SGPP1: variants seen among roughly 807,000 people sequenced by gnomAD.
SGPP1 encodes the protein hSPP1.
SGPP1 carries 21 observed loss-of-function variants against 33.0 expected under a neutral mutation model. That is an observed-to-expected ratio of 0.64 (90% confidence interval 0.45 to 0.92). The LOEUF (loss-of-function observed/expected upper bound fraction) is 0.92. Among genes scored for constraint, SGPP1 ranks in the 40% least tolerant of loss-of-function variants. SGPP1 has a pLI of 0.00. For synonymous variants in SGPP1, 239 were observed against 241.2 expected (o/e 0.99, Z 0.08); for missense variants, 543 against 589.4 (o/e 0.92, Z 0.81).
chr14:63,706,553 G>A (rs1181101280), intron 1 of SGPP1, among the ~76,000 whole-genome samples: 1 of 152,112 alleles, frequency 6.6e-6, no homozygotes, highest in Non-Finnish European at 1.5e-5. Context: ...ACTATAATAT[G>A]TGTCTGGCAC....
intron 2 of SGPP1, among the ~76,000 whole-genome samples, chr14:63,695,053 T>TTTA (rs1885159511): frequency 6.6e-6 from 1 of 151,986 alleles, no homozygotes; most frequent in African/African-American, 2.4e-5. Flanking sequence ...TTTTATTTAT[T>TTTA]TTATTTTATT....
At chr14:63,688,150 A>C (rs1016064053) in intron 2 of SGPP1, among the ~76,000 whole-genome samples, 1 of 151,338 alleles carries the variant, frequency 6.6e-6, no homozygotes, top group African/African-American at 2.4e-5. Context: ...AAATAAGTAC[A>C]TACATACATA....
chr14:63,691,129 AT>A (rs1464336939), intron 2 of SGPP1, among the ~76,000 whole-genome samples: 1 of 152,222 alleles, frequency 6.6e-6, no homozygotes, highest in Non-Finnish European at 1.5e-5. Context: ...TATTCTCTTT[AT>A]TTAAATAAGT....
At chr14:63,688,746 G>C (rs753364326) in intron 2 of SGPP1, among the ~76,000 whole-genome samples, 1 of 146,422 alleles carries the variant, frequency 6.8e-6, no homozygotes, top group African/African-American at 2.6e-5. Context: ...TTTTGAGATG[G>C]AGTCTCGCTC....
At position 63,727,731 on chromosome 14, in the gene SGPP1, C is replaced by T. The variant is rs1187561081; in HGVS notation, c.214G>A (p.Asp72Asn). 24 of 1,440,664 alleles carry T rather than the reference C, an allele frequency of 1.7e-5. No individual in the cohort carries two copies. The African/African-American group carries it at 1.8e-4, about 11-fold the overall frequency. The allele number at this position is 1,440,664 out of a possible 1,614,324, so 89.2% of individuals were successfully genotyped here. ...GGCTTGGCCGGGCACTGATTGCGGT[C>T]GCTCCCGGGAGGCTGGGGGCCTCCA... ...APGGPQPPGSDRNQCPAKPDG... is the reference protein window; with the variant it reads ...APGGPQPPGSNRNQCPAKPDG... Residue 72 changes from aspartate (D) to asparagine (N), a missense_variant, in exon 1 of 3, where the codon GAC (aspartate) becomes AAC (asparagine). By Grantham distance (23) the Asp-to-Asn change is conservative (BLOSUM62 1). Transcript: ENST00000247225.
intron 1 of SGPP1, among the ~76,000 whole-genome samples, chr14:63,723,939 G>C (rs1488839144): frequency 6.6e-6 from 1 of 151,972 alleles, no homozygotes; most frequent in African/African-American, 2.4e-5. Context: ...GTGCAGTGGT[G>C]CAATCACACC....
intron 1 of SGPP1, among the ~76,000 whole-genome samples, chr14:63,703,800 G>GTT (rs57439548): frequency 0.04 from 3,938 of 98,702 alleles, 116 homozygotes; most frequent in African/African-American, 0.077. Flanking sequence ...CCCTATTTAA[G>GTT]TTTTTTTTTT....
intron 1 of SGPP1, among the ~76,000 whole-genome samples, chr14:63,709,508 C>T (rs1885481671): frequency 6.6e-6 from 1 of 151,992 alleles, no homozygotes; most frequent in African/African-American, 2.4e-5. Context: ...ATCATTGCTT[C>T]TTACTTTATA....
At position 63,727,614 on chromosome 14, in the gene SGPP1, T is replaced by G; in HGVS notation, c.331A>C (p.Asn111His). ...TGGCCCTCCTCGCCCGTCAGCGAGT[T>G]GCGGCGCAGAGCGCCCGCGCGCCGC... ...SPRRAGALRRNSLTGEEGQLA... is the reference protein window; with the variant it reads ...SPRRAGALRRHSLTGEEGQLA... Residue 111 changes from asparagine to histidine, a missense_variant, in exon 1 of 3, where the codon AAC (asparagine) becomes CAC (histidine). Transcript: ENST00000247225. 6.6e-7 allele frequency: 1 copy of G among 1,512,370 alleles called. No individual in the cohort carries two copies. Among genetic ancestry groups the G allele is most frequent in the Non-Finnish European group, 8.8e-7 (1 of 1,137,214 alleles). 93.7% of individuals were successfully genotyped at this position (1,512,370 alleles called of 1,614,324 possible).
chr14:63,694,036 T>C lies in SGPP1; in HGVS notation c.774+4533A>G, dbSNP rs375947303. Among the ~76,000 whole-genome samples, 16 of 152,296 alleles carry C rather than the reference T, an allele frequency of 1.1e-4. No individual in the cohort carries two copies. In the East Asian group the frequency reaches 1.9e-3, roughly 18 times the overall value. On this transcript the variant is annotated intron_variant, in intron 2 of 2. Transcript: ENST00000247225. Reference sequence around the variant, plus strand: ...GGCTCATGCCTGTAATCCCAACACATTGAGAGGTCAGGGCGAGTGGATCGC... The same window carrying C: ...GGCTCATGCCTGTAATCCCAACACACTGAGAGGTCAGGGCGAGTGGATCGC...
chr14:63,725,586 G>A (rs2031940), intron 1 of SGPP1, among the ~76,000 whole-genome samples: 14,356 of 152,126 alleles, frequency 0.094, 1,503 homozygotes, highest in African/African-American at 0.26. Context: ...TAAACTTTGA[G>A]TTAAATATAC....
chr14:63,701,251 TG>T (rs1408272179), intron 1 of SGPP1, among the ~76,000 whole-genome samples: 4 of 152,258 alleles, frequency 2.6e-5, no homozygotes, highest in Non-Finnish European at 4.4e-5. Flanking sequence ...CCCACAGTAC[TG>T]AGATGAGAGG....
chr14:63,715,159 G>A (rs532259008), intron 1 of SGPP1, among the ~76,000 whole-genome samples: 1 of 151,292 alleles, frequency 6.6e-6, no homozygotes, highest in East Asian at 2.0e-4. Context: ...GATTACAGGC[G>A]CCTGCCACCA....
At chr14:63,696,807 G>A (rs1202236127) in intron 2 of SGPP1, among the ~76,000 whole-genome samples, 3 of 152,110 alleles carry the variant, frequency 2.0e-5, no homozygotes, top group African/African-American at 4.8e-5. Flanking sequence ...CCAACATGGT[G>A]AAACCCTGTC....
At chr14:63,712,542 G>C (rs566426673) in intron 1 of SGPP1, among the ~76,000 whole-genome samples, 2 of 152,280 alleles carry the variant, frequency 1.3e-5, no homozygotes, top group South Asian at 4.1e-4. Context: ...TCTAAAAGTA[G>C]CTGCAAATAA....
chr14:63,688,505 T>A (rs1441978115), intron 2 of SGPP1, among the ~76,000 whole-genome samples: 1 of 152,002 alleles, frequency 6.6e-6, no homozygotes, highest in Non-Finnish European at 1.5e-5. Context: ...TAAATAACTT[T>A]CTGAATCATT....
chr14:63,687,123 T>C (rs1884996270), intron 2 of SGPP1, among the ~76,000 whole-genome samples: 1 of 152,052 alleles, frequency 6.6e-6, no homozygotes, highest in African/African-American at 2.4e-5. Flanking sequence ...ATTTTAGGGG[T>C]TGAGGATACA....
intron 1 of SGPP1, among the ~76,000 whole-genome samples, chr14:63,716,273 A>C (rs1288850499): frequency 6.6e-6 from 1 of 152,094 alleles, no homozygotes; most frequent in Non-Finnish European, 1.5e-5. Context: ...GTGAGAGGAT[A>C]GTATGAGCCC....
At chr14:63,720,126 CAAAAAAA>C (rs569010417) in intron 1 of SGPP1, among the ~76,000 whole-genome samples, 14 of 96,766 alleles carry the variant, frequency 1.4e-4, no homozygotes, top group Admixed American at 7.3e-4. Context: ...CTGCATCTCA[CAAAAAAA>C]AAAAAAAAAA....
Sources: gnomAD v4.1 joint callset for allele counts (sites outside exome capture counted in the v4.1 genomes callset) on GRCh38, gnomAD v4.1.1 for gene constraint, MANE v1.5 for transcripts, NCBI Gene and HGNC (gene_info 2026-07-23, HGNC 2026-07-21) for gene names.